Variants in CASQ1 observed in about 807,000 individuals in gnomAD.
CASQ1 encodes the protein calsequestrin-1.
In CASQ1, 40 loss-of-function variants were observed where a neutral mutation model predicts 49.5. The observed-to-expected ratio is 0.81, with a 90% confidence interval of 0.63 to 1.05. CASQ1 has a LOEUF of 1.05. CASQ1 is among the 50% of genes least tolerant of loss of function. The pLI, the probability that CASQ1 is intolerant of heterozygous loss-of-function variation, is 0.00. For missense variants in CASQ1, 469 were observed against 486.9 expected, an observed-to-expected ratio of 0.96 and a Z score of 0.35; for synonymous variants, 174 against 187.2, an observed-to-expected ratio of 0.93 and a Z score of 0.58.
chr1:160,198,982 G>C lies in CASQ1; in HGVS notation c.913G>C (p.Ala305Pro). The change falls in exon 9 of 11, where the codon GCT (alanine) becomes CCT (proline). Residue 305 changes from alanine to proline, a missense_variant. By Grantham distance (27) the Ala-to-Pro change is conservative. Transcript: ENST00000368078. ...TTTCGAGTTCTTAGAGACTCTCAAG[G>C]CTGTGGCCCAAGATAACACTGAAAA... ...DGFEFLETLKAVAQDNTENPD... is the reference protein window; with the variant it reads ...DGFEFLETLKPVAQDNTENPD... 1 of 1,612,918 alleles carries C rather than the reference G, an allele frequency of 6.2e-7. No homozygotes were observed. The highest frequency in any genetic ancestry group is 8.5e-7 in the Non-Finnish European group (1 of 1,178,898).
intron 3 of CASQ1, among the ~76,000 whole-genome samples, chr1:160,194,312 C>T (rs111162329): frequency 0.013 from 1,942 of 145,642 alleles, 48 homozygotes; most frequent in African/African-American, 0.046. Flanking sequence ...ACACCACACA[C>T]GCCACACATG....
At chr1:160,195,872 T>G (rs1291064246) in intron 5 of CASQ1, 25 bp from the exon 6 acceptor site, 2 of 1,611,140 alleles carry the variant, frequency 1.2e-6, no homozygotes, top group Admixed American at 3.3e-5. Context: ...CCTGCTCCAC[T>G]CCCCTCCTAC....
intron 5 of CASQ1, 94 bp from the exon 6 acceptor site, chr1:160,195,803 G>T: frequency 7.2e-7 from 1 of 1,379,692 alleles, no homozygotes; most frequent in South Asian, 1.3e-5. Flanking sequence ...CCGGCTTTCT[G>T]ACTCCCTTCC....
At chr1:160,195,643 T>G in intron 5 of CASQ1, 109 bp downstream of exon 5, 2 of 898,370 alleles carry the variant, frequency 2.2e-6, no homozygotes, top group Non-Finnish European at 3.4e-6. Flanking sequence ...GTGCTGGCAC[T>G]CCCTACCTGC....
chr1:160,200,228 T>A (rs1423990147), intron 10 of CASQ1, among the ~76,000 whole-genome samples: 1 of 152,236 alleles, frequency 6.6e-6, no homozygotes, highest in African/African-American at 2.4e-5. Flanking sequence ...ATTGAGAACA[T>A]GACATTTAAA....
rs1188598435 is a variant in CASQ1, at chr1:160,195,122, G to A, written c.576G>A (p.Glu192=). 1.7e-5 allele frequency: 27 copies of A among 1,594,660 alleles called. No individual in the cohort carries two copies. The highest frequency in any genetic ancestry group is 2.3e-5 in the Non-Finnish European group (27 of 1,165,810). The part of the protein sequence containing the change: ...LIGYFKSKDS[E]HYKAFEDAAE... ...GCTACTTCAAGAGCAAAGACTCAGA[G>A]CGTGGGTAACCCTCAGACTCCACTG... is the stretch of plus-strand genomic sequence containing the variant. Residue 192 remains glutamate (E), a splice_region_variant and synonymous_variant, in exon 4 of 11, where the codon GAG becomes GAA. Transcript: ENST00000368078.
In CASQ1 at chr1:160,193,787, T is replaced by C; in HGVS notation, c.405T>C (p.Asp135=). The C allele has an allele frequency of 6.2e-7, 1 of 1,612,912 alleles. No homozygotes were observed. Among genetic ancestry groups the C allele is most frequent in the South Asian group, 1.1e-5 (1 of 91,040 alleles). Residue 135 remains aspartate (D), a synonymous_variant, in exon 3 of 11, where the codon GAT becomes GAC. Transcript: ENST00000368078. ...EVDSMYVFKG[D]EVIEYDGEFS... ...ACAGCATGTATGTATTCAAGGGAGA[T>C]GAAGTCATTGAGTACGATGGCGAGT...
rs147295702 is a variant in CASQ1 at position 160,193,833 on chromosome 1, G to A, written c.451G>A (p.Glu151Lys). 6.2e-7 allele frequency: 1 copy of A among 1,612,002 alleles called. No individual in the cohort carries two copies. Among genetic ancestry groups the A allele is most frequent in the Non-Finnish European group, 8.5e-7 (1 of 1,178,490 alleles). Residue 151 changes from glutamate (E) to lysine (K), a missense_variant, in exon 3 of 11, where the codon GAG becomes AAG. Glu to Lys is a moderately conservative substitution (Grantham distance 56, BLOSUM62 1). Transcript: ENST00000368078. ...CGAGTTTTCTGCTGACACCATCGTG[G>A]AGTTTCTGCTTGATGTAAGGACTCC... is the stretch of plus-strand genomic sequence containing the variant. Reference protein sequence around the residue: ...DGEFSADTIVEFLLDVLEDPV... With the variant: ...DGEFSADTIVKFLLDVLEDPV...
At position 160,195,850 on chromosome 1, in the gene CASQ1, G is replaced by A. The variant is rs760041343; in HGVS notation, c.652-47G>A. The A allele has an allele frequency of 1.4e-5, 22 of 1,596,496 alleles. No individual in the cohort carries two copies. The Admixed American group carries it at 1.7e-4, about 12-fold the overall frequency. On this transcript the variant is annotated intron_variant, in intron 5 of 10. Transcript: ENST00000368078. ...CCCCCATTATACTGCTTCTCGACAT[G>A]ACCCTGTGTCTCCTGCTCCACTCCC...
Position 160,198,699 on chromosome 1 carries a change from A to G in CASQ1, c.851A>G (p.His284Arg). 6.2e-7 allele frequency: 1 copy of G among 1,613,924 alleles called. No homozygotes were observed. Among genetic ancestry groups the G allele is most frequent in the Non-Finnish European group, 8.5e-7 (1 of 1,179,824 alleles). Residue 284 changes from histidine (H) to arginine (R), a missense_variant, in exon 8 of 11, where the codon CAC (histidine) becomes CGC (arginine). Transcript: ENST00000368078. ...CAGGAGGATGATATGGATGGAATCC[A>G]CATTGTGGCCTTCGCAGAGGAAGCT... is the stretch of plus-strand genomic sequence containing the variant. ...ETWEDDMDGI[H>R]IVAFAEEADP...
chr1:160,196,745 G>A (rs1230454613), intron 6 of CASQ1, among the ~76,000 whole-genome samples: 1 of 152,112 alleles, frequency 6.6e-6, no homozygotes, highest in Admixed American at 6.5e-5. Context: ...CAAAGTGCTG[G>A]GATTACAGGC....
intron 3 of CASQ1, among the ~76,000 whole-genome samples, chr1:160,194,793 C>T (rs1424169311): frequency 2.0e-5 from 3 of 150,206 alleles, no homozygotes; most frequent in Non-Finnish European, 4.4e-5. Flanking sequence ...ACCCACCATA[C>T]ATATATATCA....
At chr1:160,200,870 T>A (rs1279486649) in intron 10 of CASQ1, among the ~76,000 whole-genome samples, 1 of 152,156 alleles carries the variant, frequency 6.6e-6, no homozygotes, top group Non-Finnish European at 1.5e-5. Flanking sequence ...TGAGACCATG[T>A]CTCTTTTAGA....
At position 160,190,899 on chromosome 1, in the gene CASQ1, A is replaced by G. The variant is rs1478784268; in HGVS notation, c.148A>G (p.Ile50Val). ...TGAGTACGATGGTGTGGACCGTGTG[A>G]TCAATGTCAATGCAAAGAACTACAA... ...FPEYDGVDRV[I>V]NVNAKNYKNV... The change falls in exon 1 of 11, where the codon ATC (isoleucine) becomes GTC (valine). Residue 50 changes from isoleucine to valine, a missense_variant. Coordinates refer to ENST00000368078, the MANE Select transcript of CASQ1 (RefSeq NM_001231.5). The G allele has an allele frequency of 1.9e-6, 3 of 1,614,078 alleles. No homozygotes were observed. Among genetic ancestry groups the G allele is most frequent in the African/African-American group, 1.3e-5 (1 of 74,922 alleles).
At chr1:160,195,825 C>T in intron 5 of CASQ1, 72 bp from the exon 6 acceptor site, 1 of 1,475,930 alleles carries the variant, frequency 6.8e-7, no homozygotes, top group Non-Finnish European at 9.3e-7. Flanking sequence ...AATATTTGTT[C>T]CCCCATTATA....
At chr1:160,197,420 A>C in intron 6 of CASQ1, 149 bp from the exon 7 acceptor site, 2 of 623,788 alleles carry the variant, frequency 3.2e-6, no homozygotes, top group African/African-American at 3.6e-5. Context: ...CCTGGTGCCC[A>C]GAGTTGAGGC....
At chr1:160,194,912 T>C in intron 3 of CASQ1, 100 bp from the exon 4 acceptor site, 1 of 690,994 alleles carries the variant, frequency 1.4e-6, no homozygotes, top group East Asian at 2.6e-5. Context: ...TGTCAACATC[T>C]AGCCCCCTCC....
At chr1:160,192,972 G>T in intron 2 of CASQ1, 86 bp downstream of exon 2, 1 of 1,002,174 alleles carries the variant, frequency 1.0e-6, no homozygotes, top group Non-Finnish European at 1.6e-6. Context: ...CAGTCCTTGG[G>T]ATCCGAGGGG....
At chr1:160,191,951 G>C (rs543843146) in intron 1 of CASQ1, among the ~76,000 whole-genome samples, 6 of 152,130 alleles carry the variant, frequency 3.9e-5, no homozygotes, top group Non-Finnish European at 8.8e-5. Context: ...TTAATGAGCC[G>C]AGTATTTTTA....
Sources: gnomAD v4.1 joint callset for allele counts (sites outside exome capture counted in the v4.1 genomes callset) on GRCh38, gnomAD v4.1.1 for gene constraint, MANE v1.5 for transcripts, NCBI Gene and HGNC (gene_info 2026-07-23, HGNC 2026-07-21) for gene names.